Variants in UBE2W observed in about 807,000 individuals in gnomAD.
UBE2W encodes the protein ubiquitin-conjugating enzyme E2 W.
In UBE2W, 18 loss-of-function variants were observed where a neutral mutation model predicts 27.2. The observed-to-expected ratio is 0.66, with a 90% CI of 0.46 to 0.98. The LOEUF is 0.98. UBE2W is among the 50% of genes least tolerant of loss of function. The pLI is 0.00. For missense variants in UBE2W, 90 were observed against 180.2 expected (o/e 0.50, Z 2.87); for synonymous variants, 53 against 57.2 (o/e 0.93, Z 0.33).
intron 1 of UBE2W, among the ~76,000 whole-genome samples, chr8:73,855,394 CTT>C (rs66577299): frequency 0.022 from 1,890 of 84,548 alleles, 14 homozygotes; most frequent in African/African-American, 0.092. Context: ...ATTCTACTTT[CTT>C]TTTTTTTTTT....
intron 1 of UBE2W, among the ~76,000 whole-genome samples, chr8:73,849,512 C>CT (rs1810978981): frequency 4.4e-5 from 1 of 22,772 alleles, no homozygotes; most frequent in African/African-American, 1.5e-4. Flanking sequence ...AACTCCATCT[C>CT]AAAAAAAAAA....
intron 5 of UBE2W, among the ~76,000 whole-genome samples, chr8:73,802,580 A>C (rs1379705992): frequency 1.3e-5 from 2 of 152,202 alleles, no homozygotes; most frequent in African/African-American, 2.4e-5. Context: ...TTGAAAAAAA[A>C]CATTTTTTTG....
At chr8:73,863,663 C>A (rs1668980883) in intron 1 of UBE2W, among the ~76,000 whole-genome samples, 3 of 151,832 alleles carry the variant, frequency 2.0e-5, no homozygotes, top group Middle Eastern at 3.4e-3. Flanking sequence ...GAGGCTGAGG[C>A]AAAAGACTCA....
At chr8:73,861,861 C>G (rs1811546297) in intron 1 of UBE2W, among the ~76,000 whole-genome samples, 2 of 152,102 alleles carry the variant, frequency 1.3e-5, no homozygotes, top group Non-Finnish European at 2.9e-5. Flanking sequence ...AAACATTTTA[C>G]TAAAGCTGAT....
At chr8:73,803,328 CTAAA>C (rs1808725008) in intron 5 of UBE2W, among the ~76,000 whole-genome samples, 1 of 152,206 alleles carries the variant, frequency 6.6e-6, no homozygotes, top group Non-Finnish European at 1.5e-5. Flanking sequence ...TGATTACTTA[CTAAA>C]TAATCCTTCC....
downstream of UBE2W, among the ~76,000 whole-genome samples, chr8:73,785,656 ATC>A (rs1491191272): frequency 3.3e-5 from 5 of 151,064 alleles, no homozygotes; most frequent in East Asian, 1.0e-3. Context: ...CAATGGCATG[ATC>A]TTAGTTCACT....
chr8:73,862,166 A>G (rs1185310548), intron 1 of UBE2W, among the ~76,000 whole-genome samples: 1 of 152,220 alleles, frequency 6.6e-6, no homozygotes, highest in Non-Finnish European at 1.5e-5. Context: ...GCAGTGGCTC[A>G]TGCCTGTAAT....
In UBE2W at chr8:73,793,901, T is replaced by C; in HGVS notation, c.*201A>G. On this transcript the variant is annotated 3_prime_UTR_variant, in exon 6 of 6. Transcript: ENST00000602593. ...ACCTGCATTAATACTGTATGACTAATAAAAGCATGTCAGTTGCCTGGACTG... is the reference window on the plus strand; with the variant it reads ...ACCTGCATTAATACTGTATGACTAACAAAAGCATGTCAGTTGCCTGGACTG... 1.4e-6 allele frequency: 2 copies of C among 1,404,862 alleles called. No homozygotes were observed. Among genetic ancestry groups the C allele is most frequent in the East Asian group, 5.2e-5 (2 of 38,602 alleles). The allele number at this position is 1,404,862 out of a possible 1,614,324, so 87.0% of individuals were successfully genotyped here. A position where few individuals can be genotyped will look rare whatever the true frequency, so the allele number is the denominator to read the frequency against.
At chr8:73,823,287 ATGTT>A (rs781649508) in intron 3 of UBE2W, among the ~76,000 whole-genome samples, 10 of 152,236 alleles carry the variant, frequency 6.6e-5, no homozygotes, top group Non-Finnish European at 1.2e-4. Context: ...ATTCAACATA[ATGTT>A]TAAGTTTGAT....
Position 73,786,460 on chromosome 8 carries a change from G to C in UBE2W, c.*7642C>G. 2.0e-6 allele frequency: 2 copies of C among 984,912 alleles called. No homozygotes were observed. Among genetic ancestry groups the C allele is most frequent in the Non-Finnish European group, 2.4e-6 (2 of 829,444 alleles). 61.0% of individuals were successfully genotyped at this position (984,912 alleles called of 1,614,324 possible). A position where few individuals can be genotyped will look rare whatever the true frequency, so the allele number is the denominator to read the frequency against. On this transcript the variant is annotated 3_prime_UTR_variant, in exon 6 of 6. Transcript: ENST00000602593. Reference sequence around the variant, plus strand: ...CTGTATACTAGGTACTGTGTGCTACGTGCTGGGGACACAAACACAATTGCA... The same window carrying C: ...CTGTATACTAGGTACTGTGTGCTACCTGCTGGGGACACAAACACAATTGCA...
At chr8:73,823,497 T>A (rs994107290) in intron 3 of UBE2W, among the ~76,000 whole-genome samples, 2 of 152,168 alleles carry the variant, frequency 1.3e-5, no homozygotes, top group Admixed American at 6.5e-5. Context: ...ATCATTGAAC[T>A]TAGTTGAAGG....
intron 1 of UBE2W, among the ~76,000 whole-genome samples, chr8:73,842,555 A>AAC (rs1810585326): frequency 6.7e-6 from 1 of 149,882 alleles, no homozygotes; most frequent in African/African-American, 2.4e-5. Context: ...AAAAAAAAAA[A>AAC]AAAATGACGT....
rs1807976106 is a variant in UBE2W at position 73,786,821 on chromosome 8, A to G, written c.*7281T>C. 2.0e-6 allele frequency: 2 copies of G among 985,328 alleles called. No homozygotes were observed. Among genetic ancestry groups the G allele is most frequent in the Admixed American group, 6.1e-5 (1 of 16,262 alleles). The allele number at this position is 985,328 out of a possible 1,614,324, so 61.0% of individuals were successfully genotyped here. A position where few individuals can be genotyped will look rare whatever the true frequency, so the allele number is the denominator to read the frequency against. ...AGGACTTGAAAAATGCAAGGAGAGG[A>G]CTACTGAGTATCATTGCTTGATTAA... On this transcript the variant is annotated 3_prime_UTR_variant, in exon 6 of 6. Transcript: ENST00000602593.
chr8:73,854,340 T>C (rs1177948222), intron 1 of UBE2W, among the ~76,000 whole-genome samples: 1 of 152,144 alleles, frequency 6.6e-6, no homozygotes, highest in Non-Finnish European at 1.5e-5. Flanking sequence ...TAAATATTGA[T>C]GCTCAACTCT....
At chr8:73,836,562 T>A (rs1408274421) in intron 1 of UBE2W, among the ~76,000 whole-genome samples, 6 of 152,172 alleles carry the variant, frequency 3.9e-5, no homozygotes, top group Non-Finnish European at 7.3e-5. Context: ...TTCCCAAATG[T>A]AGACATGGAA....
intron 1 of UBE2W, among the ~76,000 whole-genome samples, chr8:73,845,179 C>CCT (rs1378357438): frequency 6.6e-6 from 1 of 152,142 alleles, no homozygotes; most frequent in African/African-American, 2.4e-5. Flanking sequence ...GTGAGGAGCC[C>CCT]CTCTGCCTGG....
chr8:73,868,164 G>A (rs867683786), intron 1 of UBE2W, among the ~76,000 whole-genome samples: 1 of 152,210 alleles, frequency 6.6e-6, no homozygotes, highest in African/African-American at 2.4e-5. Context: ...TGTGATTAGA[G>A]GGTGGAAACA....
At chr8:73,858,979 CGTGTGTGTGT>C (rs59095956) in intron 1 of UBE2W, among the ~76,000 whole-genome samples, 237 of 126,022 alleles carry the variant, frequency 1.9e-3, no homozygotes, top group Middle Eastern at 0.012. Context: ...GGGGTTTTTG[CGTGTGTGTGT>C]GTGTGTGTGT....
In UBE2W at chr8:73,791,815, T is replaced by G. The variant is rs1371075187; in HGVS notation, c.*2287A>C. On this transcript the variant is annotated 3_prime_UTR_variant, in exon 6 of 6. Coordinates refer to ENST00000602593, the MANE Select transcript of UBE2W (RefSeq NM_018299.6). Reference sequence around the variant, plus strand: ...TAAGATGTACCGAAATTATTTCATTTTCCTCTACTTTCCTCTGTGTCATTT... The same window carrying G: ...TAAGATGTACCGAAATTATTTCATTGTCCTCTACTTTCCTCTGTGTCATTT... 1.0e-6 allele frequency: 1 copy of G among 984,416 alleles called. No individual in the cohort carries two copies. The highest frequency in any genetic ancestry group is 1.2e-6 in the Non-Finnish European group (1 of 829,168). 61.0% of individuals were successfully genotyped at this position (984,416 alleles called of 1,614,324 possible).
Sources: gnomAD v4.1 joint callset for allele counts (sites outside exome capture counted in the v4.1 genomes callset) on GRCh38, gnomAD v4.1.1 for gene constraint, MANE v1.5 for transcripts, NCBI Gene and HGNC (gene_info 2026-07-23, HGNC 2026-07-21) for gene names.